TUBGCP4: variants seen among roughly 807,000 people sequenced by gnomAD.
TUBGCP4 encodes the protein gamma-tubulin complex component 4.
TUBGCP4 carries 54 observed loss-of-function variants against 91.6 expected under a neutral mutation model. The observed-to-expected ratio is 0.59, with a 90% confidence interval of 0.47 to 0.74. TUBGCP4 has a LOEUF of 0.74. Among genes scored for constraint, TUBGCP4 ranks in the 30% least tolerant of loss-of-function variants. The probability of loss-of-function intolerance (pLI) is 0.00; values close to 1 mark genes in which losing one functional copy is unlikely to be tolerated. For synonymous variants in TUBGCP4, 297 were observed against 302.8 expected, an observed-to-expected ratio of 0.98 and a Z score of 0.20; for missense variants, 593 against 800.9, an observed-to-expected ratio of 0.74 and a Z score of 3.13.
intron 6 of TUBGCP4, among the ~76,000 whole-genome samples, chr15:43,380,971 T>C (rs891655128): frequency 5.3e-5 from 8 of 152,124 alleles, no homozygotes; most frequent in South Asian, 4.1e-4. Flanking sequence ...TTTTTTCTTA[T>C]TTTATTTTAA....
rs2045035282 is a variant in TUBGCP4, at chr15:43,409,345, C to T, written c.*4131C>T. The T allele has an allele frequency of 1.7e-6, 1 of 578,816 alleles. No individual in the cohort carries two copies. Among genetic ancestry groups the T allele is most frequent in the South Asian group, 2.2e-5 (1 of 44,780 alleles). 35.9% of individuals were successfully genotyped at this position (578,816 alleles called of 1,614,324 possible). ...TCAACGGACAACCAAAACCTATGAACTCAGCCTTTCAGGCTAAAAATCAGC... is the reference window on the plus strand; with the variant it reads ...TCAACGGACAACCAAAACCTATGAATTCAGCCTTTCAGGCTAAAAATCAGC... On this transcript the variant is annotated 3_prime_UTR_variant, in exon 18 of 18. Coordinates refer to ENST00000564079, the MANE Select transcript of TUBGCP4 (RefSeq NM_014444.5).
intron 2 of TUBGCP4, 102 bp from the exon 3 acceptor site, chr15:43,376,401 T>C (rs1442687750): frequency 8.1e-6 from 13 of 1,609,356 alleles, no homozygotes; most frequent in African/African-American, 4.0e-5. Flanking sequence ...AGGCCTCTAA[T>C]TGGTTTGTTT....
At chr15:43,372,543 G>C (rs896119019) in intron 1 of TUBGCP4, among the ~76,000 whole-genome samples, 2 of 151,598 alleles carry the variant, frequency 1.3e-5, no homozygotes, top group Non-Finnish European at 1.5e-5. Context: ...CAGGCATATA[G>C]GAGGACAGTA....
chr15:43,397,615 C>T (rs1295361403), intron 12 of TUBGCP4, among the ~76,000 whole-genome samples: 1 of 151,960 alleles, frequency 6.6e-6, no homozygotes, highest in Non-Finnish European at 1.5e-5. Flanking sequence ...AGGAAAGAAT[C>T]TCTAGAAGAC....
chr15:43,376,414 A>G, intron 2 of TUBGCP4, 89 bp from the exon 3 acceptor site: 14 of 1,612,584 alleles, frequency 8.7e-6, no homozygotes, highest in South Asian at 1.1e-5. Context: ...GTTTGTTTGT[A>G]TAACTTTTAA....
rs1442280563 is a variant in TUBGCP4, at chr15:43,406,892, T to G, written c.*1678T>G. On this transcript the variant is annotated 3_prime_UTR_variant, in exon 18 of 18. Transcript: ENST00000564079. ...GGGAGTACCCACAGGTGAGCTGTGA[T>G]CTCAGCTCAGAGAGAGAGCATGAGG... The G allele has an allele frequency of 7.4e-6, 2 of 270,842 alleles. No homozygotes were observed. Among genetic ancestry groups the G allele is most frequent in the Admixed American group, 4.7e-5 (1 of 21,074 alleles). 16.8% of individuals were successfully genotyped at this position (270,842 alleles called of 1,614,324 possible). A position where few individuals can be genotyped will look rare whatever the true frequency, so the allele number is the denominator to read the frequency against.
At chr15:43,378,323 T>A (rs2044238361) in intron 5 of TUBGCP4, among the ~76,000 whole-genome samples, 1 of 152,212 alleles carries the variant, frequency 6.6e-6, no homozygotes, top group Non-Finnish European at 1.5e-5. Flanking sequence ...GCCAGATGTT[T>A]AATAAATATG....
In TUBGCP4 at chr15:43,385,886, T is replaced by C; in HGVS notation, c.819T>C (p.Ala273=). Residue 273 remains alanine (A), a synonymous_variant, in exon 8 of 18, where the codon GCT becomes GCC. Coordinates refer to ENST00000564079, the MANE Select transcript of TUBGCP4 (RefSeq NM_014444.5). The stretch of plus-strand genomic sequence containing the variant: ...CATCCTACATTCCAGTGAGGGTTGC[T>C]GAAAAAATCCTATTTGTTGGAGAAT... ...ILPSYIPVRV[A]EKILFVGESV... The C allele has an allele frequency of 1.2e-6, 2 of 1,614,118 alleles. No individual in the cohort carries two copies. The highest frequency in any genetic ancestry group is 1.7e-6 in the Non-Finnish European group (2 of 1,180,010).
intron 1 of TUBGCP4, 102 bp from the exon 2 acceptor site, chr15:43,375,996 C>A: frequency 6.5e-7 from 1 of 1,534,620 alleles, no homozygotes; most frequent in Non-Finnish European, 8.9e-7. Flanking sequence ...AAGTGGACAT[C>A]TTGAGAAAGA....
In TUBGCP4 at chr15:43,409,123, G is replaced by A. The variant is rs761443778; in HGVS notation, c.*3909G>A. 5.6e-6 allele frequency: 9 copies of A among 1,609,886 alleles called. No individual in the cohort carries two copies. Among genetic ancestry groups the A allele is most frequent in the Non-Finnish European group, 6.8e-6 (8 of 1,176,696 alleles). On this transcript the variant is annotated 3_prime_UTR_variant, in exon 18 of 18. Transcript: ENST00000564079. The stretch of plus-strand genomic sequence containing the variant: ...TGCAAGAAAAGAAGCAGAGCCAATG[G>A]GTTTGGTGACTTCTGTGGAAAGCTC...
Position 43,395,258 on chromosome 15 carries a change from C to A in TUBGCP4, c.1065+101C>A. 3.1e-6 allele frequency: 4 copies of A among 1,275,826 alleles called. No homozygotes were observed. In the South Asian group the frequency reaches 4.8e-5, roughly 15 times the overall value. 79.0% of individuals were successfully genotyped at this position (1,275,826 alleles called of 1,614,324 possible). ...GCACTGGTTGCCTATACCCAGACTTCCAGAGTCAACTCATTTGTTCTTATC... is the reference window on the plus strand; with the variant it reads ...GCACTGGTTGCCTATACCCAGACTTACAGAGTCAACTCATTTGTTCTTATC... On this transcript the variant is annotated intron_variant, in intron 10 of 17. Transcript: ENST00000564079.
chr15:43,371,554 GGACA>G, intron 1 of TUBGCP4, 122 bp downstream of exon 1: 2 of 973,320 alleles, frequency 2.1e-6, no homozygotes, highest in Non-Finnish European at 3.2e-6. Flanking sequence ...GCGTATCCCT[GGACA>G]GGTGACTGGA....
intron 17 of TUBGCP4, 154 bp from the exon 18 acceptor site, chr15:43,405,048 A>AT (rs2044820574): frequency 2.5e-6 from 2 of 809,646 alleles, no homozygotes; most frequent in Non-Finnish European, 3.9e-6. Context: ...CTGCAAGCAG[A>AT]TTTTTTTCTA....
At chr15:43,394,654 G>A (rs2044550662) in intron 9 of TUBGCP4, 1 of 154,018 alleles carries the variant, frequency 6.5e-6, no homozygotes, top group Admixed American at 6.5e-5. Context: ...TTGGTTCGTG[G>A]AGCAGTTTCT....
At position 43,386,344 on chromosome 15, in the gene TUBGCP4, C is replaced by CATAT. The variant is rs1566894338; in HGVS notation, c.1014+14_1014+15insATAT. ...ACTGTGGCTGAGGTTTGTGTTTCATCGTATATATATATATATATATATATA... is the reference window on the plus strand; with the variant it reads ...ACTGTGGCTGAGGTTTGTGTTTCATCATATGTATATATATATATATATATATATA... On this transcript the variant is annotated intron_variant, in intron 9 of 17. Coordinates refer to ENST00000564079, the MANE Select transcript of TUBGCP4 (RefSeq NM_014444.5). 200 of 245,606 alleles carry CATAT rather than the reference C, an allele frequency of 8.1e-4. 58 individuals carry two copies. The African/African-American group carries it at 9.3e-3, about 11-fold the overall frequency. The allele number at this position is 245,606 out of a possible 1,614,324, so 15.2% of individuals were successfully genotyped here.
chr15:43,407,922 T>A lies in TUBGCP4; in HGVS notation c.*2708T>A, dbSNP rs45538744. 6.4e-4 allele frequency: 1,022 copies of A among 1,605,152 alleles called. 8 individuals are homozygous for A. The African/African-American group carries it at 0.012, about 19-fold the overall frequency. ...AAGGAGATCCCTGGAACAAAGACAC[T>A]ACACACACTCTTTCAGGTACCTTTG... On this transcript the variant is annotated 3_prime_UTR_variant, in exon 18 of 18. Transcript: ENST00000564079.
chr15:43,397,432 C>T (rs951022016), intron 12 of TUBGCP4, 111 bp downstream of exon 12: 6 of 805,570 alleles, frequency 7.4e-6, no homozygotes, highest in Non-Finnish European at 1.3e-5. Flanking sequence ...TCTTAGAAAT[C>T]AGCTAGTACA....
At chr15:43,379,493 A>AT (rs1187743925) in intron 5 of TUBGCP4, among the ~76,000 whole-genome samples, 5 of 152,090 alleles carry the variant, frequency 3.3e-5, no homozygotes, top group Non-Finnish European at 7.4e-5. Flanking sequence ...TACAAAAAAA[A>AT]TTAGCCAGGC....
intron 9 of TUBGCP4, among the ~76,000 whole-genome samples, chr15:43,386,745 A>AAAAAAAAAT (rs1555394895): frequency 6.6e-5 from 10 of 151,298 alleles, no homozygotes; most frequent in African/African-American, 2.4e-4. Context: ...AAAAAAAAAA[A>AAAAAAAAAT]AAAAGACACT....
Sources: gnomAD v4.1 joint callset for allele counts (sites outside exome capture counted in the v4.1 genomes callset) on GRCh38, gnomAD v4.1.1 for gene constraint, MANE v1.5 for transcripts, NCBI Gene and HGNC (gene_info 2026-07-23, HGNC 2026-07-21) for gene names.